UMODL1: variants seen among roughly 807,000 people sequenced by gnomAD.
The protein encoded by UMODL1 is uromodulin like 1.
In UMODL1, 128 loss-of-function variants were observed where a neutral mutation model predicts 136.3. The ratio of observed to expected loss-of-function variants is 0.94; its 90% CI spans 0.81 to 1.09. UMODL1 has a LOEUF of 1.09. UMODL1 is among the 50% of genes least tolerant of loss of function. The pLI, the probability that UMODL1 is intolerant of heterozygous loss-of-function variation, is 0.00. For synonymous variants in UMODL1, 721 were observed against 720.0 expected (o/e 1.00, Z -0.02); for missense variants, 1,766 against 1,725.6 (o/e 1.02, Z -0.41).
intron 17 of UMODL1, 27 bp from the exon 18 acceptor site, chr21:42,126,318 G>A (rs2123361845): frequency 6.2e-7 from 1 of 1,612,482 alleles, no homozygotes; most frequent in African/African-American, 1.3e-5. Context: ...GGGCCTGGGA[G>A]CTCCTCATGC....
At chr21:42,070,611 T>C (rs1414880112), upstream of UMODL1, among the ~76,000 whole-genome samples, 2 of 152,246 alleles carry the variant, frequency 1.3e-5, no homozygotes, top group African/African-American at 4.8e-5. Context: ...TTTGTGCTAC[T>C]AAAACTTCAT....
intron 1 of UMODL1, among the ~76,000 whole-genome samples, chr21:42,065,292 G>A (rs1038471475): frequency 2.0e-5 from 3 of 152,180 alleles, no homozygotes; most frequent in Non-Finnish European, 2.9e-5. Context: ...CATTCATGCA[G>A]TTATTGCGTT....
At chr21:42,113,448 C>T (rs987703466) in intron 12 of UMODL1, 125 bp from the exon 13 acceptor site, 44 of 1,197,656 alleles carry the variant, frequency 3.7e-5, no homozygotes, top group East Asian at 3.2e-4. Context: ...ATCACCTCGG[C>T]GGCCATCACC....
chr21:42,104,412 CTTTTCTTTTTTTCTTTTCTTTT>C (rs2066684519), intron 9 of UMODL1, among the ~76,000 whole-genome samples: 1 of 149,574 alleles, frequency 6.7e-6, no homozygotes, highest in Admixed American at 6.7e-5. Context: ...GGGTCTATTT[CTTTTCTTTTTTTCTTTTCTTTT>C]TTTTCTTTTT....
At chr21:42,126,627 C>T in intron 18 of UMODL1, 137 bp downstream of exon 18, 1 of 1,387,934 alleles carries the variant, frequency 7.2e-7, no homozygotes, top group South Asian at 1.4e-5. Flanking sequence ...CCTGGCTGCT[C>T]CCCAAATTTT....
intron 6 of UMODL1, among the ~76,000 whole-genome samples, chr21:42,096,514 CT>C (rs1236232924): frequency 1.3e-5 from 2 of 152,222 alleles, no homozygotes; most frequent in African/African-American, 2.4e-5. Flanking sequence ...CCTCTGCGTT[CT>C]TTTCAAATAA....
At chr21:42,079,346 A>C (rs1301708096) in intron 2 of UMODL1, among the ~76,000 whole-genome samples, 1 of 152,230 alleles carries the variant, frequency 6.6e-6, no homozygotes, top group Non-Finnish European at 1.5e-5. Context: ...TCTTGTTGGA[A>C]TCAGCCCCAC....
chr21:42,095,613 A>G (rs994814025), intron 6 of UMODL1, among the ~76,000 whole-genome samples: 6 of 152,224 alleles, frequency 3.9e-5, no homozygotes. Context: ...CCTTTTCCAA[A>G]TAAGGTCACA....
intron 21 of UMODL1, among the ~76,000 whole-genome samples, chr21:42,135,168 G>T (rs539476382): frequency 1.4e-4 from 21 of 152,332 alleles, no homozygotes; most frequent in African/African-American, 4.8e-4. Flanking sequence ...CAACGGTCAC[G>T]ATGCATACAC....
At position 42,084,051 on chromosome 21, in the gene UMODL1, G is replaced by A. The variant is rs542336431; in HGVS notation, c.320-33G>A. ...CAGCAAATCAGGTTTGTCTTTTATC[G>A]CCAGTATCATTAATTGTATCATTTT... On this transcript the variant is annotated intron_variant, in intron 2 of 22. Coordinates refer to ENST00000408910, the MANE Select transcript of UMODL1 (RefSeq NM_001004416.3). 4.3e-5 allele frequency: 69 copies of A among 1,604,000 alleles called. No homozygotes were observed. The East Asian group carries it at 7.8e-4, about 18-fold the overall frequency.
chr21:42,121,305 C>G (rs887456686), intron 16 of UMODL1, 81 bp downstream of exon 16: 1 of 1,514,270 alleles, frequency 6.6e-7, no homozygotes, highest in African/African-American at 1.4e-5. Context: ...CAAAGGGCTT[C>G]TTGTCCCTCT....
intron 12 of UMODL1, among the ~76,000 whole-genome samples, chr21:42,112,750 C>T (rs929467126): frequency 6.6e-6 from 1 of 152,036 alleles, no homozygotes; most frequent in Non-Finnish European, 1.5e-5. Context: ...TCTGCAGATG[C>T]TCTGGATTGT....
In UMODL1 at chr21:42,080,610, A is replaced by G. The variant is rs573058434; in HGVS notation, c.320-3474A>G. On this transcript the variant is annotated intron_variant, in intron 2 of 22. Coordinates refer to ENST00000408910, the MANE Select transcript of UMODL1 (RefSeq NM_001004416.3). ...GCGATGACAACTGGTGCATTATTTT[A>G]AGTTTTTAAAAATATAATTACAGAA... 2.4e-4 allele frequency among the ~76,000 whole-genome samples: 36 copies of G among 152,352 alleles called. 1 individual carries two copies. The highest frequency in any genetic ancestry group is 2.2e-3 in the Admixed American group (34 of 15,300).
intron 14 of UMODL1, among the ~76,000 whole-genome samples, 187 bp downstream of exon 14, chr21:42,116,172 C>CAAAAA (rs56162491): frequency 0.011 from 789 of 74,752 alleles, 7 homozygotes; most frequent in Middle Eastern, 0.028. Flanking sequence ...CCATCTCCAC[C>CAAAAA]AAAAAAAAAA....
intron 14 of UMODL1, among the ~76,000 whole-genome samples, 155 bp from the exon 15 acceptor site, chr21:42,118,956 C>T (rs1165558545): frequency 1.3e-5 from 2 of 152,222 alleles, no homozygotes; most frequent in Non-Finnish European, 2.9e-5. Flanking sequence ...GAAAACACAG[C>T]AGACAGGAAA....
At chr21:42,109,798 C>T in intron 10 of UMODL1, 99 bp downstream of exon 10, 6 of 1,347,354 alleles carry the variant, frequency 4.5e-6, no homozygotes, top group Non-Finnish European at 6.0e-6. Context: ...GGCTGAGGAC[C>T]TATGGTAATG....
rs1051654030 is a variant in UMODL1 at position 42,122,919 on chromosome 21, C to A, written c.2916C>A (p.Thr972=). The A allele has an allele frequency of 1.2e-6, 2 of 1,613,856 alleles. No individual in the cohort carries two copies. The highest frequency in any genetic ancestry group is 1.7e-6 in the Non-Finnish European group (2 of 1,180,024). The part of the protein sequence containing the change: ...AGTKAAFVQG[T]SPTPQGLPQR... ...CCAAGGCTGCCTTTGTGCAAGGCAC[C>A]AGCCCCACCCCCCAAGGCCTGCCCC... Residue 972 remains threonine, a synonymous_variant, in exon 17 of 23, where the codon ACC becomes ACA. Transcript: ENST00000408910. The surrounding 1 kb of genome is among the most constrained non-coding windows in gnomAD (Gnocchi z 4.3).
chr21:42,090,868 A>G (rs996153622), intron 6 of UMODL1, among the ~76,000 whole-genome samples: 4 of 152,184 alleles, frequency 2.6e-5, no homozygotes, highest in Admixed American at 2.0e-4. Flanking sequence ...CAGTTTTTAT[A>G]TTTTGTTTTC....
upstream of UMODL1, among the ~76,000 whole-genome samples, chr21:42,069,445 T>C (rs2066210514): frequency 6.6e-6 from 1 of 152,244 alleles, no homozygotes; most frequent in Non-Finnish European, 1.5e-5. Context: ...CCTCAACTGG[T>C]AAAATGTCTT....
Sources: allele counts gnomAD v4.1 joint callset (sites outside exome capture counted in the v4.1 genomes callset), GRCh38; gene constraint gnomAD v4.1.1; non-coding constraint Gnocchi (gnomAD v3.1); transcripts MANE v1.5; gene names NCBI Gene and HGNC (gene_info 2026-07-23, HGNC 2026-07-21).